The following SMARCA2 variants were observed in gnomAD, a reference collection of about 807,000 sequenced individuals.
SMARCA2 encodes SWI/SNF-related matrix-associated actin-dependent regulator of chromatin subfamily A member 2.
SMARCA2 carries 61 observed loss-of-function variants against 199.8 expected under a neutral mutation model. That is an observed-to-expected ratio of 0.31 (90% CI 0.25 to 0.38). The LOEUF (loss-of-function observed/expected upper bound fraction) is 0.38. Among genes scored for constraint, SMARCA2 ranks in the 10% least tolerant of loss-of-function variants. The probability of loss-of-function intolerance (pLI) is 1.00; values close to 1 mark genes in which losing one functional copy is unlikely to be tolerated. For synonymous variants in SMARCA2, 935 were observed against 732.0 expected (o/e 1.28, Z -4.48); for missense variants, 1,344 against 2,012.2 (o/e 0.67, Z 6.35).
intron 25 of SMARCA2, among the ~76,000 whole-genome samples, chr9:2,118,533 CCT>C (rs1390649769): frequency 8.5e-5 from 13 of 152,140 alleles, no homozygotes; most frequent in African/African-American, 1.9e-4. Flanking sequence ...TCTGTGTTTT[CCT>C]CTTTCTTCCC....
At chr9:2,175,855 C>G (rs1406559231) in intron 29 of SMARCA2, among the ~76,000 whole-genome samples, 1 of 151,628 alleles carries the variant, frequency 6.6e-6, no homozygotes, top group African/African-American at 2.4e-5. Flanking sequence ...ATTTGATATC[C>G]TCTGTTTTTT....
intron 27 of SMARCA2, among the ~76,000 whole-genome samples, chr9:2,149,234 C>G (rs931836297): frequency 1.3e-5 from 2 of 151,224 alleles, no homozygotes; most frequent in African/African-American, 4.8e-5. Flanking sequence ...GTGGAAACCC[C>G]TGGCTGGGTG....
At chr9:2,070,270 C>G in intron 9 of SMARCA2, 148 bp from the exon 10 acceptor site, 1 of 718,474 alleles carries the variant, frequency 1.4e-6, no homozygotes, top group Non-Finnish European at 2.5e-6. Flanking sequence ...TCAGCAAAGA[C>G]AAATGAACAT....
At chr9:2,097,078 C>T (rs532180292) in intron 20 of SMARCA2, 7 of 496,188 alleles carry the variant, frequency 1.4e-5, no homozygotes, top group Non-Finnish European at 2.5e-5. Flanking sequence ...ACTCCCTGGG[C>T]ATCTGTTCTG....
rs762864934 is a variant in SMARCA2, at chr9:2,033,085, T to G, written c.355+4T>G. The G allele has an allele frequency of 6.2e-7, 1 of 1,613,848 alleles. No individual in the cohort carries two copies. Among genetic ancestry groups the G allele is most frequent in the Non-Finnish European group, 8.5e-7 (1 of 1,179,874 alleles). On this transcript the variant is annotated splice_donor_region_variant and intron_variant, in intron 3 of 33. Coordinates refer to ENST00000349721, the MANE Select transcript of SMARCA2 (RefSeq NM_003070.5). ...CCAATGGATCAACACAGCCAAGGTTTGTGTCCGCTGCACACCTGATACTGG... is the reference window on the plus strand; with the variant it reads ...CCAATGGATCAACACAGCCAAGGTTGGTGTCCGCTGCACACCTGATACTGG...
At chr9:2,172,503 A>G (rs983059813) in intron 29 of SMARCA2, among the ~76,000 whole-genome samples, 7 of 151,950 alleles carry the variant, frequency 4.6e-5, no homozygotes, top group Non-Finnish European at 7.4e-5. Context: ...CTTGGAAAGC[A>G]GTCCCCCTCT....
At chr9:2,065,319 T>A (rs192575035) in intron 9 of SMARCA2, among the ~76,000 whole-genome samples, 113 of 152,360 alleles carry the variant, frequency 7.4e-4, no homozygotes, top group Non-Finnish European at 1.2e-3. Context: ...TGTTATTTAT[T>A]TGTGACATTT....
chr9:2,097,806 T>C (rs1198642972), intron 21 of SMARCA2, among the ~76,000 whole-genome samples: 1 of 152,226 alleles, frequency 6.6e-6, no homozygotes, highest in South Asian at 2.1e-4. Context: ...AAATTGAAGA[T>C]AATGATAAAT....
intron 27 of SMARCA2, among the ~76,000 whole-genome samples, chr9:2,133,928 T>C (rs953590516): frequency 6.6e-6 from 1 of 152,152 alleles, no homozygotes; most frequent in Non-Finnish European, 1.5e-5. Context: ...TCCATCTAAT[T>C]AGCTGTGTGA....
chr9:2,170,359 G>A lies in SMARCA2; in HGVS notation c.4200-60G>A. 1.2e-6 allele frequency: 2 copies of A among 1,608,476 alleles called. No individual in the cohort carries two copies. The highest frequency in any genetic ancestry group is 1.7e-6 in the Non-Finnish European group (2 of 1,176,910). On this transcript the variant is annotated intron_variant, in intron 28 of 33. Coordinates refer to ENST00000349721, the MANE Select transcript of SMARCA2 (RefSeq NM_003070.5). The surrounding 1 kb of genome is among the most constrained non-coding windows in gnomAD (Gnocchi z 4.7). ...AGGTCACCCAGCCTAGGAAGAAGGA[G>A]CCGGGCGGGGACGAGAACCCAGGTC... is the stretch of plus-strand genomic sequence containing the variant.
rs1823165025 is a variant in SMARCA2, at chr9:2,115,200, G to C, written c.3457-622G>C. Among the ~76,000 whole-genome samples, 2 of 152,110 alleles carry C rather than the reference G, an allele frequency of 1.3e-5. No homozygotes were observed. Among genetic ancestry groups the C allele is most frequent in the African/African-American group, 4.8e-5 (2 of 41,410 alleles). ...ATAGACAGTTTTAACACTTCTAATA[G>C]GTAGTGACAAATTTCTGTCCCCAAA... On this transcript the variant is annotated intron_variant, in intron 24 of 33. Coordinates refer to ENST00000349721, the MANE Select transcript of SMARCA2 (RefSeq NM_003070.5). This position sits in a 1 kb window ranked among gnomAD's most constrained non-coding sequence, Gnocchi z 6.0.
rs1158960372 is a variant in SMARCA2, at chr9:2,183,639, G to GAA, written c.4461+1398_4461+1399dup. On this transcript the variant is annotated intron_variant, in intron 31 of 33. Coordinates refer to ENST00000349721, the MANE Select transcript of SMARCA2 (RefSeq NM_003070.5). ...CATCAATTTCAGTCATCAAACAAAG[G>GAA]AATAGAGAAATCTTCAGAATGTGCC... 1.3e-4 allele frequency among the ~76,000 whole-genome samples: 19 copies of GAA among 152,000 alleles called. No individual in the cohort carries two copies. In the South Asian group the frequency reaches 2.7e-3, roughly 22 times the overall value.
At chr9:2,082,846 A>G (rs571553036) in intron 15 of SMARCA2, among the ~76,000 whole-genome samples, 1 of 152,286 alleles carries the variant, frequency 6.6e-6, no homozygotes, top group Admixed American at 6.5e-5. Flanking sequence ...CATCTTTTGC[A>G]TTTGATCTAT....
intron 10 of SMARCA2, among the ~76,000 whole-genome samples, chr9:2,070,897 C>T (rs376518520): frequency 6.6e-6 from 1 of 152,196 alleles, no homozygotes; most frequent in East Asian, 1.9e-4. Flanking sequence ...ATTTGGTTAA[C>T]TTATTTTTGA....
In SMARCA2 at chr9:2,149,752, C is replaced by T. The variant is rs528321384; in HGVS notation, c.3982-11934C>T. Among the ~76,000 whole-genome samples the T allele has an allele frequency of 9.8e-4, 149 of 151,504 alleles. 8 individuals are homozygous for T. Among genetic ancestry groups the T allele is most frequent in the Non-Finnish European group, 1.9e-3 (127 of 67,666 alleles). ...GTTCACCTTTGTTCTTATTTTTTTG[C>T]GCTTTAGAGATTCATTTTAAAGTTT... is the stretch of plus-strand genomic sequence containing the variant. On this transcript the variant is annotated intron_variant, in intron 27 of 33. Coordinates refer to ENST00000349721, the MANE Select transcript of SMARCA2 (RefSeq NM_003070.5).
intron 2 of SMARCA2, 94 bp from the exon 3 acceptor site, chr9:2,032,858 C>T: frequency 1.7e-6 from 2 of 1,175,860 alleles, no homozygotes; most frequent in East Asian, 2.4e-5. Context: ...GATAGTGCCA[C>T]ACTTTTAAAG....
intron 27 of SMARCA2, among the ~76,000 whole-genome samples, chr9:2,132,093 A>C (rs1194713276): frequency 6.6e-6 from 1 of 152,242 alleles, no homozygotes; most frequent in East Asian, 1.9e-4. Context: ...TCATCACAGG[A>C]AGCCAAACTG....
intron 4 of SMARCA2, chr9:2,046,020 A>G (rs1157287542): frequency 6.6e-6 from 1 of 152,166 alleles, no homozygotes; most frequent in Admixed American, 6.5e-5. Flanking sequence ...AGTTTTTCAT[A>G]ATGTATGTCG....
chr9:2,067,243 T>A (rs72687592), intron 9 of SMARCA2, among the ~76,000 whole-genome samples: 13,065 of 152,312 alleles, frequency 0.086, 743 homozygotes, highest in East Asian at 0.27. Flanking sequence ...ATGATAGTAA[T>A]AATTTAATGA....
Sources: allele counts gnomAD v4.1 joint callset (sites outside exome capture counted in the v4.1 genomes callset), GRCh38; gene constraint gnomAD v4.1.1; non-coding constraint Gnocchi (gnomAD v3.1); transcripts MANE v1.5; gene names NCBI Gene and HGNC (gene_info 2026-07-23, HGNC 2026-07-21).